The following UBA52 variants were observed in gnomAD, a reference collection of about 807,000 sequenced individuals.
UBA52 encodes ubiquitin A-52 residue ribosomal protein fusion product 1.
Under a neutral mutation model 15.3 loss-of-function variants are expected in UBA52, and 1 was observed. The observed-to-expected ratio is 0.07, with a 90% CI of 0.02 to 0.31. The LOEUF (loss-of-function observed/expected upper bound fraction) is 0.31, where lower values mean the gene tolerates loss of function less well. Ranked by LOEUF, UBA52 falls within the 10% of genes least tolerant of loss-of-function variation. The pLI is 1.00. For synonymous variants in UBA52, 50 were observed against 58.3 expected (o/e 0.86, Z 0.65); for missense variants, 87 against 168.0 (o/e 0.52, Z 2.66).
upstream of UBA52, among the ~76,000 whole-genome samples, chr19:18,571,036 TG>T (rs1975460734): frequency 2.0e-5 from 3 of 150,276 alleles, no homozygotes; most frequent in Non-Finnish European, 4.4e-5. Context: ...AAAGAGACAC[TG>T]CAGTGGCTCA....
At chr19:18,574,658 C>T (rs536108354) in intron 3 of UBA52, among the ~76,000 whole-genome samples, 6 of 152,192 alleles carry the variant, frequency 3.9e-5, no homozygotes, top group Admixed American at 1.3e-4. Context: ...AGACTCCCCC[C>T]AGGGCTCGTG....
At chr19:18,568,271 A>T, upstream of UBA52, 1 of 668,936 alleles carries the variant, frequency 1.5e-6, no homozygotes, top group Non-Finnish European at 2.6e-6. Flanking sequence ...GTCTCAAAAA[A>T]AAAAAAAAAA....
upstream of UBA52, chr19:18,569,460 C>T (rs1975410354): frequency 6.5e-6 from 1 of 152,948 alleles, no homozygotes; most frequent in Admixed American, 6.6e-5. Flanking sequence ...GCTGGGGGCC[C>T]TGCTGGAGGG....
At chr19:18,566,939 G>C (rs115855376), upstream of UBA52, among the ~76,000 whole-genome samples, 493 of 152,354 alleles carry the variant, frequency 3.2e-3, 6 homozygotes, top group African/African-American at 0.011. Flanking sequence ...AGGCCGGCTG[G>C]TGGGCGACTG....
chr19:18,570,364 C>G (rs1023071417), upstream of UBA52, among the ~76,000 whole-genome samples: 5 of 151,704 alleles, frequency 3.3e-5, no homozygotes, highest in Admixed American at 2.6e-4. Flanking sequence ...CTGGATAGTT[C>G]AAAATAAAAC....
the UBA52 span, among the ~76,000 whole-genome samples, chr19:18,566,559 C>G: frequency 6.6e-6 from 1 of 151,624 alleles, no homozygotes; most frequent in Non-Finnish European, 1.5e-5. Flanking sequence ...GGGAGGCTGA[C>G]GCAGGCAGAT....
chr19:18,568,688 G>A (rs529462245), upstream of UBA52: 934 of 1,343,560 alleles, frequency 7.0e-4, 12 homozygotes, highest in South Asian at 0.011. Flanking sequence ...AGGTGGCAGC[G>A]GGTAACCCTG....
chr19:18,571,852 G>C (rs1050499237), upstream of UBA52: 2 of 152,604 alleles, frequency 1.3e-5, no homozygotes, highest in African/African-American at 4.8e-5. Flanking sequence ...TTCCGGTTCC[G>C]CTATCTTCTT....
chr19:18,570,939 G>A (rs1350709545), upstream of UBA52, among the ~76,000 whole-genome samples: 1 of 150,300 alleles, frequency 6.7e-6, no homozygotes, highest in East Asian at 2.0e-4. Context: ...CGCACATCTC[G>A]GCCTCCCAAA....
chr19:18,564,113 C>T, the UBA52 span, among the ~76,000 whole-genome samples: 1,364 of 151,822 alleles, frequency 9.0e-3, 18 homozygotes, highest in African/African-American at 0.031. Context: ...TCTCGAACTC[C>T]TGACCTCATG....
the UBA52 span, chr19:18,565,191 G>T: frequency 1.4e-6 from 2 of 1,393,072 alleles, no homozygotes; most frequent in South Asian, 1.7e-5. Flanking sequence ...AAATCTTGAC[G>T]TAAGTTTATT....
At chr19:18,573,615 A>G (rs1018465770) in intron 2 of UBA52, 47 bp from the exon 3 acceptor site, 3 of 1,593,810 alleles carry the variant, frequency 1.9e-6, no homozygotes, top group Admixed American at 1.7e-5. Flanking sequence ...GGACACTGCC[A>G]GTAATATGGT....
intron 3 of UBA52, among the ~76,000 whole-genome samples, chr19:18,574,239 AT>A (rs547094973): frequency 6.6e-6 from 1 of 150,768 alleles, no homozygotes; most frequent in African/African-American, 2.4e-5. Context: ...CATAATGTGA[AT>A]TTTTTTATCA....
At position 18,575,184 on chromosome 19, in the gene UBA52, C is replaced by G. The variant is rs1975729663; in HGVS notation, c.*34C>G. ...TTTCCTTGAAGGGCAGCCTCCTGCC[C>G]AGGCCCCGTGGCCCTGGAGCCTCAA... is the stretch of plus-strand genomic sequence containing the variant. On this transcript the variant is annotated 3_prime_UTR_variant, in exon 5 of 5. Transcript: ENST00000442744. 6.2e-6 allele frequency: 10 copies of G among 1,613,080 alleles called. No homozygotes were observed. The highest frequency in any genetic ancestry group is 8.5e-6 in the Non-Finnish European group (10 of 1,179,492).
chr19:18,572,816 C>T (rs1600615857), intron 1 of UBA52: 1 of 1,007,606 alleles, frequency 9.9e-7, no homozygotes, highest in Non-Finnish European at 1.2e-6. Context: ...AGAGAGGCTG[C>T]GACAGGAAGG....
chr19:18,568,854 T>C (rs973873521), upstream of UBA52: 1 of 563,352 alleles, frequency 1.8e-6, no homozygotes, highest in African/African-American at 1.9e-5. Context: ...GCAAGACCCC[T>C]CTGCCATGCC....
upstream of UBA52, chr19:18,568,564 T>G (rs775669060): frequency 1.1e-5 from 17 of 1,613,800 alleles, no homozygotes; most frequent in Middle Eastern, 1.6e-4. Flanking sequence ...CTGTCCCATG[T>G]CCAGCCTGGC....
chr19:18,572,867 G>A (rs1202020819), intron 1 of UBA52: 4 of 1,031,066 alleles, frequency 3.9e-6, no homozygotes, highest in Non-Finnish European at 4.7e-6. Flanking sequence ...CAGGCTGGCA[G>A]CAGGAGCAGC....
upstream of UBA52, among the ~76,000 whole-genome samples, chr19:18,570,507 C>CCTTT (rs1555752290): frequency 1.8e-3 from 79 of 44,792 alleles, 20 homozygotes; most frequent in Admixed American, 2.4e-3. Context: ...CGCCGTGGCA[C>CCTTT]TTTTTTTTTT....
Sources: allele counts gnomAD v4.1 joint callset (sites outside exome capture counted in the v4.1 genomes callset), GRCh38; gene constraint gnomAD v4.1.1; transcripts MANE v1.5; gene names NCBI Gene and HGNC (gene_info 2026-07-23, HGNC 2026-07-21).